The following FSTL5 variants were observed in gnomAD, a reference collection of about 807,000 sequenced individuals.
The protein encoded by FSTL5 is follistatin-related protein 5.
A neutral mutation model predicts 89.1 loss-of-function variants in FSTL5; 62 were observed. The observed-to-expected ratio is 0.70, with a 90% CI of 0.57 to 0.86. FSTL5 has a LOEUF of 0.86. FSTL5 is among the 40% of genes least tolerant of loss of function. The pLI, the probability that FSTL5 is intolerant of heterozygous loss-of-function variation, is 0.00. For synonymous variants in FSTL5, 383 were observed against 346.2 expected, an observed-to-expected ratio of 1.11 and a Z score of -1.18; for missense variants, 1,057 against 1,001.6, an observed-to-expected ratio of 1.06 and a Z score of -0.75.
intron 6 of FSTL5, among the ~76,000 whole-genome samples, chr4:161,753,769 G>A (rs1291351186): frequency 1.3e-5 from 2 of 152,002 alleles, no homozygotes; most frequent in Admixed American, 6.5e-5. Flanking sequence ...TCGGCCAGGC[G>A]CGGTGGCTCA....
chr4:161,708,905 A>G (rs1433561135), intron 6 of FSTL5, among the ~76,000 whole-genome samples: 2 of 152,170 alleles, frequency 1.3e-5, no homozygotes, highest in Admixed American at 1.3e-4. Flanking sequence ...TATACAAAAT[A>G]TTTGGGAAAT....
At chr4:162,122,192 C>A (rs1011051414) in intron 1 of FSTL5, among the ~76,000 whole-genome samples, 6 of 152,030 alleles carry the variant, frequency 3.9e-5, no homozygotes, top group Admixed American at 3.3e-4. Context: ...TGTACCAATT[C>A]AGAAAAAGTA....
At chr4:162,097,960 G>A (rs1730831731) in intron 2 of FSTL5, among the ~76,000 whole-genome samples, 1 of 151,730 alleles carries the variant, frequency 6.6e-6, no homozygotes, top group Non-Finnish European at 1.5e-5. Context: ...TCCTAGTAGC[G>A]ACCCAAGGGA....
Position 161,612,928 on chromosome 4 carries a change from T to C in FSTL5, c.895-25353A>G, listed in dbSNP as rs1734700690. On this transcript the variant is annotated intron_variant, in intron 7 of 15. Coordinates refer to ENST00000306100, the MANE Select transcript of FSTL5 (RefSeq NM_020116.5). ...TGTGAATGTAAATGTAATACAATGGTATATTAGTGCTCTTTTTTTTTTACT... is the reference window on the plus strand; with the variant it reads ...TGTGAATGTAAATGTAATACAATGGCATATTAGTGCTCTTTTTTTTTTACT... Among the ~76,000 whole-genome samples the C allele has an allele frequency of 3.1e-5, 4 of 130,156 alleles. No individual in the cohort carries two copies. In the Admixed American group the frequency reaches 3.1e-4, roughly 10 times the overall value. The allele number at this position is 130,156 out of a possible 152,430, so 85.4% of individuals were successfully genotyped here.
In FSTL5 at chr4:161,813,215, C is replaced by G. The variant is rs187939242; in HGVS notation, c.410-37141G>C. Among the ~76,000 whole-genome samples, 53 of 151,942 alleles carry G rather than the reference C, an allele frequency of 3.5e-4. 1 individual carries two copies. Among genetic ancestry groups the G allele is most frequent in the South Asian group, 1.9e-3 (9 of 4,804 alleles). Reference sequence around the variant, plus strand: ...CAATTTTTGTTTTGTATTTTTAGTACAGACGGGGTTTCACCGTGTTAGCAA... The same window carrying G: ...CAATTTTTGTTTTGTATTTTTAGTAGAGACGGGGTTTCACCGTGTTAGCAA... On this transcript the variant is annotated intron_variant, in intron 4 of 15. Coordinates refer to ENST00000306100, the MANE Select transcript of FSTL5 (RefSeq NM_020116.5).
At chr4:161,644,254 C>T (rs942213455) in intron 7 of FSTL5, among the ~76,000 whole-genome samples, 6 of 152,164 alleles carry the variant, frequency 3.9e-5, no homozygotes, top group Non-Finnish European at 5.9e-5. Flanking sequence ...TGGTTGGGTA[C>T]GGTGGCTCAA....
rs1001042786 is a variant in FSTL5 at position 162,001,990 on chromosome 4, T to G, written c.160+31635A>C. On this transcript the variant is annotated intron_variant, in intron 3 of 15. Coordinates refer to ENST00000306100, the MANE Select transcript of FSTL5 (RefSeq NM_020116.5). ...GGTAAGATTGAACCTGTCTACTTTTTTTATTTTTTTTAAGTATCATTATTT... is the reference window on the plus strand; with the variant it reads ...GGTAAGATTGAACCTGTCTACTTTTGTTATTTTTTTTAAGTATCATTATTT... Among the ~76,000 whole-genome samples, 5 of 152,198 alleles carry G rather than the reference T, an allele frequency of 3.3e-5. No individual in the cohort carries two copies. The South Asian group carries it at 6.2e-4, about 19-fold the overall frequency.
chr4:161,444,138 G>T (rs750907782), intron 15 of FSTL5, among the ~76,000 whole-genome samples: 1 of 151,872 alleles, frequency 6.6e-6, no homozygotes, highest in South Asian at 2.1e-4. Context: ...GTAGAGAACC[G>T]TATGGCAAAA....
intron 15 of FSTL5, among the ~76,000 whole-genome samples, chr4:161,424,009 A>C (rs1450057034): frequency 2.8e-5 from 4 of 144,174 alleles, no homozygotes; most frequent in Non-Finnish European, 6.0e-5. Context: ...GGTGCCTGCC[A>C]GCACGCCCAT....
chr4:162,103,522 GAGAT>G (rs1265775886), intron 2 of FSTL5, among the ~76,000 whole-genome samples: 1 of 152,206 alleles, frequency 6.6e-6, no homozygotes, highest in East Asian at 1.9e-4. Context: ...CTTGTGAGCA[GAGAT>G]AGTAACCTCC....
rs144246548 is a variant in FSTL5, at chr4:161,408,963, G to A, written c.1842-22514C>T. ...ACACATCAGCATTCTTGAGAGAATA[G>A]GAGAAAGAATAAATAACTTATATTT... On this transcript the variant is annotated intron_variant, in intron 15 of 15. Transcript: ENST00000306100. 2.0e-4 allele frequency among the ~76,000 whole-genome samples: 31 copies of A among 152,286 alleles called. 1 individual carries two copies. Among genetic ancestry groups the A allele is most frequent in the African/African-American group, 7.5e-4 (31 of 41,558 alleles).
At chr4:161,860,191 G>A (rs1347728650) in intron 4 of FSTL5, among the ~76,000 whole-genome samples, 1 of 152,080 alleles carries the variant, frequency 6.6e-6, no homozygotes, top group Non-Finnish European at 1.5e-5. Context: ...GGGAGGCTGA[G>A]GCAGGAGAAT....
intron 6 of FSTL5, among the ~76,000 whole-genome samples, chr4:161,753,755 T>G (rs946198976): frequency 7.2e-5 from 11 of 152,064 alleles, no homozygotes; most frequent in Non-Finnish European, 1.2e-4. Flanking sequence ...CATTAAGAAC[T>G]GTTTCGGCCA....
At chr4:161,811,051 T>A (rs1284542555) in intron 4 of FSTL5, among the ~76,000 whole-genome samples, 1 of 152,142 alleles carries the variant, frequency 6.6e-6, no homozygotes, top group African/African-American at 2.4e-5. Context: ...CCCCCTACCA[T>A]TATTATAGAT....
intron 10 of FSTL5, 58 bp from the exon 11 acceptor site, chr4:161,510,482 T>G (rs1730616831): frequency 2.1e-6 from 2 of 933,238 alleles, no homozygotes; most frequent in Non-Finnish European, 3.2e-6. Context: ...GAGCTTTTGC[T>G]ATATGGTAAT....
Position 161,835,593 on chromosome 4 carries a change from A to C in FSTL5, c.410-59519T>G, listed in dbSNP as rs1343338907. 5.7e-3 allele frequency among the ~76,000 whole-genome samples: 864 copies of C among 152,108 alleles called. 7 individuals carry two copies. The highest frequency in any genetic ancestry group is 0.02 in the African/African-American group (838 of 41,510). ...AATAGCCAGAATCTACAATGAACTC[A>C]AACAAATTTACAAGAAAAAAACAAA... is the stretch of plus-strand genomic sequence containing the variant. On this transcript the variant is annotated intron_variant, in intron 4 of 15. Coordinates refer to ENST00000306100, the MANE Select transcript of FSTL5 (RefSeq NM_020116.5).
intron 1 of FSTL5, among the ~76,000 whole-genome samples, chr4:162,128,827 C>G (rs567548927): frequency 2.6e-5 from 4 of 151,998 alleles, no homozygotes; most frequent in African/African-American, 7.2e-5. Context: ...AAATGACTCT[C>G]ATTGTAAAAG....
chr4:161,739,849 A>C (rs1314941123), intron 6 of FSTL5, among the ~76,000 whole-genome samples: 1 of 94,244 alleles, frequency 1.1e-5, no homozygotes, highest in Non-Finnish European at 3.2e-5. Context: ...GACTCCACAG[A>C]AGTAAAAAAA....
chr4:161,940,839 CA>C (rs1463284490), intron 3 of FSTL5, among the ~76,000 whole-genome samples: 1 of 149,920 alleles, frequency 6.7e-6, no homozygotes, highest in African/African-American at 2.4e-5. Flanking sequence ...CAAAACAAAA[CA>C]AAAAACACTG....
Sources: allele counts gnomAD v4.1 joint callset (sites outside exome capture counted in the v4.1 genomes callset), GRCh38; gene constraint gnomAD v4.1.1; transcripts MANE v1.5; gene names NCBI Gene and HGNC (gene_info 2026-07-23, HGNC 2026-07-21).